CTNNA2: variants seen among roughly 807,000 people sequenced by gnomAD.
The protein encoded by CTNNA2 is catenin alpha-2.
In CTNNA2, 42 loss-of-function variants were observed where a neutral mutation model predicts 101.0. That is an observed-to-expected ratio of 0.42 (90% CI 0.32 to 0.54). CTNNA2 has a LOEUF of 0.54. Among genes scored for constraint, CTNNA2 ranks in the 20% least tolerant of loss-of-function variants. CTNNA2 has a pLI of 0.14. For synonymous variants in CTNNA2, 450 were observed against 456.4 expected (o/e 0.99, Z 0.18); for missense variants, 871 against 1,223.1 (o/e 0.71, Z 4.29).
At chr2:79,489,813 C>T (rs373553716) in intron 4 of CTNNA2, among the ~76,000 whole-genome samples, 109 of 152,244 alleles carry the variant, frequency 7.2e-4, no homozygotes, top group African/African-American at 2.6e-3. Flanking sequence ...TTTCTGGAAT[C>T]TGATTTAATC....
At chr2:79,342,357 C>G (rs908154691) in intron 3 of CTNNA2, among the ~76,000 whole-genome samples, 1 of 152,304 alleles carries the variant, frequency 6.6e-6, no homozygotes, top group South Asian at 2.1e-4. Context: ...GAAGCAAAAT[C>G]TGGACTGAGC....
chr2:80,393,962 T>C (rs556339807), intron 8 of CTNNA2, among the ~76,000 whole-genome samples: 1 of 152,340 alleles, frequency 6.6e-6, no homozygotes, highest in East Asian at 1.9e-4. Context: ...CTCCTCTTTC[T>C]TTGGTAGTAT....
At chr2:80,116,063 T>A (rs1376049308) in intron 7 of CTNNA2, among the ~76,000 whole-genome samples, 2 of 152,150 alleles carry the variant, frequency 1.3e-5, no homozygotes, top group Non-Finnish European at 2.9e-5. Context: ...ACTTTTTTTT[T>A]TCCCGTAAAG....
At chr2:79,580,679 A>G (rs1311808948) in intron 1 of CTNNA2, among the ~76,000 whole-genome samples, 2 of 152,240 alleles carry the variant, frequency 1.3e-5, no homozygotes, top group Admixed American at 1.3e-4. Context: ...AAATAGTCAT[A>G]GAGACAAAGG....
intron 3 of CTNNA2, among the ~76,000 whole-genome samples, chr2:79,745,108 T>C (rs567136035): frequency 6.6e-6 from 1 of 152,298 alleles, no homozygotes; most frequent in South Asian, 2.1e-4. Context: ...CATTTTAAAA[T>C]TTTGATCTGT....
At chr2:79,691,841 C>T (rs1684324203) in intron 2 of CTNNA2, among the ~76,000 whole-genome samples, 2 of 151,862 alleles carry the variant, frequency 1.3e-5, no homozygotes, top group Non-Finnish European at 2.9e-5. Context: ...TGAAACTGGA[C>T]CCCTTCCTTA....
chr2:79,295,059 T>G (rs1675946628), intron 2 of CTNNA2, among the ~76,000 whole-genome samples: 1 of 152,004 alleles, frequency 6.6e-6, no homozygotes, highest in African/African-American at 2.4e-5. Context: ...ATCTTCAGGT[T>G]TCATGCAAAT....
intron 7 of CTNNA2, among the ~76,000 whole-genome samples, chr2:80,076,870 C>A (rs1267744746): frequency 6.6e-6 from 1 of 151,794 alleles, no homozygotes; most frequent in Non-Finnish European, 1.5e-5. Flanking sequence ...ACAGTGAAAC[C>A]CCGTCTCTAC....
intron 4 of CTNNA2, among the ~76,000 whole-genome samples, chr2:79,445,855 G>GT (rs1678826499): frequency 6.6e-6 from 1 of 152,030 alleles, no homozygotes; most frequent in Non-Finnish European, 1.5e-5. Context: ...TAGGATATGT[G>GT]TTTTTAAATG....
chr2:79,883,268 A>G (rs1683588038), intron 6 of CTNNA2, among the ~76,000 whole-genome samples: 1 of 152,238 alleles, frequency 6.6e-6, no homozygotes, highest in Admixed American at 6.5e-5. Context: ...AGATAAAAAT[A>G]GTATTTTCAC....
rs867600966 is a variant in CTNNA2, at chr2:80,648,496, T to C, written c.*624T>C. 7 of 152,474 alleles carry C rather than the reference T, an allele frequency of 4.6e-5. No individual in the cohort carries two copies. The highest frequency in any genetic ancestry group is 1.9e-4 in the East Asian group (1 of 5,186). 9.4% of individuals were successfully genotyped at this position (152,474 alleles called of 1,614,324 possible). A position where few individuals can be genotyped will look rare whatever the true frequency, so the allele number is the denominator to read the frequency against. On this transcript the variant is annotated 3_prime_UTR_variant, in exon 19 of 19. Coordinates refer to ENST00000402739, the MANE Select transcript of CTNNA2 (RefSeq NM_001282597.3). ...GCCATTACTAGTGATCATGTTTTTTTCCCCCCTTTAATGAAAACAATAAAC... is the reference window on the plus strand; with the variant it reads ...GCCATTACTAGTGATCATGTTTTTTCCCCCCCTTTAATGAAAACAATAAAC...
chr2:79,511,514 G>A (rs1671540166), upstream of CTNNA2, among the ~76,000 whole-genome samples: 1 of 152,110 alleles, frequency 6.6e-6, no homozygotes, highest in African/African-American at 2.4e-5. Flanking sequence ...AAGAGCACGC[G>A]GTGTCACTGT....
intron 9 of CTNNA2, among the ~76,000 whole-genome samples, chr2:80,500,116 A>T (rs1687766069): frequency 6.6e-6 from 1 of 152,206 alleles, no homozygotes. Flanking sequence ...TGTGCTTACA[A>T]ATCATAGCAT....
chr2:80,369,409 G>C (rs149304540), intron 7 of CTNNA2, among the ~76,000 whole-genome samples: 1 of 152,144 alleles, frequency 6.6e-6, no homozygotes, highest in South Asian at 2.1e-4. Flanking sequence ...CCTGTTCTAC[G>C]CAAGTGCTCA....
At position 79,354,433 on chromosome 2, in the gene CTNNA2, AGC is replaced by A. The variant is rs1178113347; in HGVS notation, c.-317-19397_-317-19396del. Among the ~76,000 whole-genome samples, 29 of 152,244 alleles carry A rather than the reference AGC, an allele frequency of 1.9e-4. No homozygotes were observed. In the East Asian group the frequency reaches 5.4e-3, roughly 28 times the overall value. ...CATTGATTCAAAGGACATGTCTTCCAGCTCTTGGATTCTTTTCTCAGCTTGGT... is the reference window on the plus strand; with the variant it reads ...CATTGATTCAAAGGACATGTCTTCCATCTTGGATTCTTTTCTCAGCTTGGT... On this transcript the variant is annotated intron_variant, in intron 3 of 21. Transcript: ENST00000466387.
At chr2:80,123,306 C>T (rs886739256) in intron 7 of CTNNA2, among the ~76,000 whole-genome samples, 1 of 152,088 alleles carries the variant, frequency 6.6e-6, no homozygotes, top group African/African-American at 2.4e-5. Context: ...ATGAAGCAGA[C>T]AAGTGCTAAA....
In CTNNA2 at chr2:80,350,394, G is replaced by A. The variant is rs548508125; in HGVS notation, c.1057-42817G>A. Among the ~76,000 whole-genome samples the A allele has an allele frequency of 2.6e-5, 4 of 152,220 alleles. No individual in the cohort carries two copies. The South Asian group carries it at 8.3e-4, about 32-fold the overall frequency. On this transcript the variant is annotated intron_variant, in intron 7 of 18. Coordinates refer to ENST00000402739, the MANE Select transcript of CTNNA2 (RefSeq NM_001282597.3). ...AAACTGTGCCATCATTTAGATAGAT[G>A]CCCGCTAATCATTTGTTCAGATTTC...
intron 4 of CTNNA2, among the ~76,000 whole-genome samples, chr2:79,867,106 G>A (rs1298576519): frequency 6.6e-6 from 1 of 152,130 alleles, no homozygotes; most frequent in Non-Finnish European, 1.5e-5. Context: ...TCAACTCGCA[G>A]TCCTGAACTC....
At chr2:80,080,416 G>A (rs1019889201) in intron 7 of CTNNA2, among the ~76,000 whole-genome samples, 3 of 152,136 alleles carry the variant, frequency 2.0e-5, no homozygotes, top group African/African-American at 7.2e-5. Flanking sequence ...TCGACAATTC[G>A]ATAGGGAAAC....
Sources: gnomAD v4.1 joint callset for allele counts (sites outside exome capture counted in the v4.1 genomes callset) on GRCh38, gnomAD v4.1.1 for gene constraint, MANE v1.5 for transcripts, NCBI Gene and HGNC (gene_info 2026-07-23, HGNC 2026-07-21) for gene names.